Variants in ENO4 observed in about 807,000 individuals in gnomAD.
ENO4 encodes the protein 2-phospho-D-glycerate hydro-lyase.
ENO4 carries 53 observed loss-of-function variants against 63.2 expected under a neutral mutation model. The observed-to-expected ratio is 0.84, with a 90% CI of 0.67 to 1.05. The LOEUF (loss-of-function observed/expected upper bound fraction) is 1.05. Ranked by LOEUF, ENO4 falls within the 50% of genes least tolerant of loss-of-function variation. The pLI is 0.00. For missense variants in ENO4, 719 were observed against 772.0 expected, an observed-to-expected ratio of 0.93 and a Z score of 0.81; for synonymous variants, 266 against 283.8, an observed-to-expected ratio of 0.94 and a Z score of 0.63.
At chr10:116,886,127 TA>T, downstream of ENO4, 1 of 612,718 alleles carries the variant, frequency 1.6e-6, no homozygotes, top group Non-Finnish European at 2.7e-6. Flanking sequence ...CTCATCTTTA[TA>T]AAGATCAAAA....
intron 8 of ENO4, 60 bp downstream of exon 8, chr10:116,868,766 C>T: frequency 7.0e-7 from 1 of 1,420,882 alleles, no homozygotes; most frequent in Non-Finnish European, 9.7e-7. Context: ...TTTCCTGCCC[C>T]TTTTTATCTT....
chr10:116,897,617 G>T (rs1474219176), intron 10 of ENO4, among the ~76,000 whole-genome samples: 6 of 152,202 alleles, frequency 3.9e-5, no homozygotes. Flanking sequence ...TGTAAGATAA[G>T]ATAGGAAAGG....
At chr10:116,907,838 CTAA>C (rs1314838942) in intron 10 of ENO4, 8 of 512,808 alleles carry the variant, frequency 1.6e-5, no homozygotes, top group Admixed American at 5.9e-5. Flanking sequence ...TCCACCAAGG[CTAA>C]TAATCTTGCC....
At chr10:116,854,384 C>G (rs1846186299) in intron 1 of ENO4, among the ~76,000 whole-genome samples, 2 of 151,402 alleles carry the variant, frequency 1.3e-5, no homozygotes, top group Non-Finnish European at 2.9e-5. Flanking sequence ...ATGTTGAAAC[C>G]CCATCTCTAC....
chr10:116,901,314 T>C lies in ENO4; in HGVS notation c.1195-10185T>C, dbSNP rs1477095904. Reference sequence around the variant, plus strand: ...ACATAGTATGTTTTCATTTTCAGGATAGAGCAATATTAGGCACATCTTTAA... The same window carrying C: ...ACATAGTATGTTTTCATTTTCAGGACAGAGCAATATTAGGCACATCTTTAA... On this transcript the variant is annotated intron_variant, in intron 10 of 10. Coordinates refer to the ENO4 transcript ENST00000369207. 3.0e-6 allele frequency: 3 copies of C among 985,214 alleles called. No individual in the cohort carries two copies. In the African/African-American group the frequency reaches 5.2e-5, roughly 17 times the overall value. The allele number at this position is 985,214 out of a possible 1,614,324, so 61.0% of individuals were successfully genotyped here.
chr10:116,887,790 C>G (rs1847213045), intron 10 of ENO4, among the ~76,000 whole-genome samples: 3 of 152,156 alleles, frequency 2.0e-5, no homozygotes, highest in Admixed American at 1.3e-4. Context: ...CATTTGTGGA[C>G]TAAACGAATG....
chr10:116,912,240 T>TAGAAAC (rs1248745105), downstream of ENO4, among the ~76,000 whole-genome samples: 1 of 152,184 alleles, frequency 6.6e-6, no homozygotes, highest in Non-Finnish European at 1.5e-5. Flanking sequence ...AAGCAGAGAC[T>TAGAAAC]AGAAACAAGG....
At chr10:116,878,646 T>C (rs1333590779) in intron 11 of ENO4, among the ~76,000 whole-genome samples, 2 of 152,114 alleles carry the variant, frequency 1.3e-5, no homozygotes, top group Non-Finnish European at 2.9e-5. Context: ...TCATGTCTTA[T>C]AGCCGCGGTC....
chr10:116,850,593 G>A (rs1483434844), intron 1 of ENO4, among the ~76,000 whole-genome samples: 1 of 151,976 alleles, frequency 6.6e-6, no homozygotes, highest in Non-Finnish European at 1.5e-5. Context: ...ACACCAAGCA[G>A]AAGGAGTCCT....
chr10:116,870,104 A>C (rs566749116), intron 8 of ENO4, among the ~76,000 whole-genome samples: 1 of 152,348 alleles, frequency 6.6e-6, no homozygotes, highest in South Asian at 2.1e-4. Context: ...TCTCATTGAC[A>C]TTAAAATAGT....
chr10:116,853,034 G>C (rs189814155), intron 1 of ENO4, among the ~76,000 whole-genome samples: 1 of 152,142 alleles, frequency 6.6e-6, no homozygotes, highest in Non-Finnish European at 1.5e-5. Context: ...GGTGGCTCAC[G>C]CCTGTAATCC....
chr10:116,886,174 C>A, downstream of ENO4: 1 of 939,072 alleles, frequency 1.1e-6, no homozygotes, highest in Non-Finnish European at 1.5e-6. Context: ...TTTTGCTAAA[C>A]AGCTTACTTA....
chr10:116,861,209 A>T lies in ENO4; in HGVS notation c.936+19A>T. Reference sequence around the variant, plus strand: ...CAAACAAGTACCTTACATTATCTTAAATTACCTTTTCTAAAAAAAAAAAAA... The same window carrying T: ...CAAACAAGTACCTTACATTATCTTATATTACCTTTTCTAAAAAAAAAAAAA... On this transcript the variant is annotated intron_variant, in intron 6 of 13. Transcript: ENST00000341276. The T allele has an allele frequency of 8.8e-7, 1 of 1,142,000 alleles. No homozygotes were observed. Among genetic ancestry groups the T allele is most frequent in the South Asian group, 3.1e-5 (1 of 31,926 alleles). 70.7% of individuals were successfully genotyped at this position (1,142,000 alleles called of 1,614,324 possible).
intron 11 of ENO4, among the ~76,000 whole-genome samples, chr10:116,877,525 C>T (rs1846872915): frequency 6.6e-6 from 1 of 152,146 alleles, no homozygotes; most frequent in Admixed American, 6.5e-5. Flanking sequence ...AAGCAGTTTT[C>T]TGTCAGTACA....
downstream of ENO4, among the ~76,000 whole-genome samples, chr10:116,912,074 A>G (rs557484478): frequency 1.6e-4 from 25 of 152,352 alleles, no homozygotes; most frequent in East Asian, 3.7e-3. Flanking sequence ...AAAAGGAGAC[A>G]AGCTACCCTC....
intron 10 of ENO4, among the ~76,000 whole-genome samples, chr10:116,888,383 T>C (rs1165047085): frequency 1.3e-5 from 2 of 152,196 alleles, no homozygotes; most frequent in Non-Finnish European, 2.9e-5. Context: ...ATATTAAGGA[T>C]TGATCAGAGG....
In ENO4 at chr10:116,879,324, AAGG is replaced by A. The variant is rs759083649; in HGVS notation, c.1574_1576del (p.Gly525del). Reference sequence around the variant, plus strand: ...CACATCACTGTCTTTGGAAGTACAGAAGGAGAATCATCTGATGACAGCCTTGTC... The same window carrying A: ...CACATCACTGTCTTTGGAAGTACAGAAGAATCATCTGATGACAGCCTTGTC... On this transcript the variant is annotated inframe_deletion, in exon 12 of 14. Coordinates refer to ENST00000341276, the MANE Select transcript of ENO4 (RefSeq NM_001242699.2). 57 of 1,550,614 alleles carry A rather than the reference AAGG, an allele frequency of 3.7e-5. No individual in the cohort carries two copies. Among genetic ancestry groups the A allele is most frequent in the Admixed American group, 2.0e-5 (1 of 50,900 alleles).
At chr10:116,855,276 A>T (rs536707203) in intron 1 of ENO4, among the ~76,000 whole-genome samples, 1 of 152,284 alleles carries the variant, frequency 6.6e-6, no homozygotes, top group Admixed American at 6.5e-5. Context: ...CTGGCAACAG[A>T]GTGAGACCGT....
chr10:116,859,061 C>G lies in ENO4; in HGVS notation c.557C>G (p.Thr186Arg). The G allele has an allele frequency of 6.5e-7, 1 of 1,535,746 alleles. No individual in the cohort carries two copies. The highest frequency in any genetic ancestry group is 8.7e-7 in the Non-Finnish European group (1 of 1,146,650). Residue 186 changes from threonine to arginine, a missense_variant, in exon 4 of 14, where the codon ACA becomes AGA. Thr to Arg is a moderately conservative substitution (Grantham distance 71). Transcript: ENST00000341276. ...TTGGAAAAGAGCCTGGAATACTCAA[C>G]AGTGCCTACACCTCTACCTCCAGTA... is the stretch of plus-strand genomic sequence containing the variant. ...KELEKSLEYS[T>R]VPTPLPPVPP...
Sources: allele counts gnomAD v4.1 joint callset (sites outside exome capture counted in the v4.1 genomes callset), GRCh38; gene constraint gnomAD v4.1.1; transcripts MANE v1.5; gene names NCBI Gene and HGNC (gene_info 2026-07-23, HGNC 2026-07-21).